The following FAM107B variants were observed in gnomAD, a reference collection of about 807,000 sequenced individuals.
The protein encoded by FAM107B is family with sequence similarity 107 member B.
In FAM107B, 21 loss-of-function variants were observed where a neutral mutation model predicts 31.5. The observed-to-expected ratio is 0.67, with a 90% CI of 0.47 to 0.96. The LOEUF (loss-of-function observed/expected upper bound fraction) is 0.96. Ranked by LOEUF, FAM107B falls within the 40% of genes least tolerant of loss-of-function variation. The pLI is 0.00. For synonymous variants in FAM107B, 157 were observed against 141.5 expected (o/e 1.11, Z -0.78); for missense variants, 452 against 377.1 (o/e 1.20, Z -1.64).
chr10:14,578,362 T>C (rs893599187), intron 2 of FAM107B, among the ~76,000 whole-genome samples: 3 of 152,206 alleles, frequency 2.0e-5, no homozygotes, highest in Admixed American at 6.5e-5. Context: ...CCAAACCTCT[T>C]TGAGTAATTT....
chr10:14,571,264 C>A lies in FAM107B; in HGVS notation c.470-40749G>T, dbSNP rs142018496. Among the ~76,000 whole-genome samples the A allele has an allele frequency of 8.5e-5, 13 of 152,128 alleles. No individual in the cohort carries two copies. In the South Asian group the frequency reaches 2.5e-3, roughly 29 times the overall value. ...ATAACATAAGGGGTTCAAATTTCAA[C>A]ATATGCATTTTTGGGGGTGACACAC... On this transcript the variant is annotated intron_variant, in intron 2 of 4. Transcript: ENST00000181796.
intron 2 of FAM107B, among the ~76,000 whole-genome samples, chr10:14,665,569 A>G (rs1854383052): frequency 6.6e-6 from 1 of 152,242 alleles, no homozygotes; most frequent in East Asian, 1.9e-4. Flanking sequence ...GCATTGATGC[A>G]GCAATGACCA....
At chr10:14,621,675 T>C (rs956256624) in intron 2 of FAM107B, among the ~76,000 whole-genome samples, 1 of 152,224 alleles carries the variant, frequency 6.6e-6, no homozygotes, top group Admixed American at 6.5e-5. Flanking sequence ...TAGAAGCATC[T>C]GTTGATTTGA....
At chr10:14,753,290 C>T (rs1002464847) in intron 1 of FAM107B, among the ~76,000 whole-genome samples, 9 of 152,180 alleles carry the variant, frequency 5.9e-5, no homozygotes, top group African/African-American at 2.2e-4. Context: ...TCACCCTTTT[C>T]CCAACAACCC....
At chr10:14,688,864 C>G (rs753441684) in intron 1 of FAM107B, among the ~76,000 whole-genome samples, 4 of 152,188 alleles carry the variant, frequency 2.6e-5, no homozygotes, top group Admixed American at 6.5e-5. Flanking sequence ...TGACCTCTTT[C>G]TGTTGGTCTG....
chr10:14,612,369 G>A (rs1157796069), intron 2 of FAM107B: 1 of 152,222 alleles, frequency 6.6e-6, no homozygotes, highest in Non-Finnish European at 1.5e-5. Flanking sequence ...AATGCATGAT[G>A]GAAGGACAGA....
intron 1 of FAM107B, among the ~76,000 whole-genome samples, chr10:14,668,439 G>A (rs374109088): frequency 1.5e-4 from 23 of 152,240 alleles, no homozygotes; most frequent in African/African-American, 5.1e-4. Flanking sequence ...ATGTACTTTC[G>A]AAAGTTCCAT....
chr10:14,765,948 G>C (rs1157151388), intron 1 of FAM107B, among the ~76,000 whole-genome samples: 1 of 152,218 alleles, frequency 6.6e-6, no homozygotes, highest in Non-Finnish European at 1.5e-5. Context: ...GGGATGCAGA[G>C]TGCAGGTAGG....
rs559826179 is a variant in FAM107B at position 14,523,789 on chromosome 10, C to T, written c.654-1770G>A. Among the ~76,000 whole-genome samples, 12 of 152,192 alleles carry T rather than the reference C, an allele frequency of 7.9e-5. No homozygotes were observed. The South Asian group carries it at 2.5e-3, about 32-fold the overall frequency. ...AGAATTTCTAAAAATTCTGGCATCTCTCCTATCTAGATGTTTTTAAAAATC... is the reference window on the plus strand; with the variant it reads ...AGAATTTCTAAAAATTCTGGCATCTTTCCTATCTAGATGTTTTTAAAAATC... On this transcript the variant is annotated intron_variant, in intron 3 of 4. Transcript: ENST00000181796.
At chr10:14,757,749 G>A (rs927160758) in intron 1 of FAM107B, among the ~76,000 whole-genome samples, 1 of 152,214 alleles carries the variant, frequency 6.6e-6, no homozygotes, top group African/African-American at 2.4e-5. Flanking sequence ...AGCAGGCAGG[G>A]CCTTTTTCTC....
chr10:14,662,411 C>G (rs915145322), intron 2 of FAM107B, among the ~76,000 whole-genome samples: 10 of 148,046 alleles, frequency 6.8e-5, no homozygotes, highest in African/African-American at 2.5e-4. Flanking sequence ...GGGTCTCGCT[C>G]TCTCACCCAG....
At chr10:14,553,208 C>A in intron 2 of FAM107B, 1 of 351,356 alleles carries the variant, frequency 2.8e-6, no homozygotes, top group Non-Finnish European at 4.6e-6. Flanking sequence ...GGAGAGAATA[C>A]AAATTAAAGA....
chr10:14,665,925 A>C lies in FAM107B; in HGVS notation c.469+1709T>G, dbSNP rs573113829. 7.2e-5 allele frequency among the ~76,000 whole-genome samples: 11 copies of C among 152,328 alleles called. No individual in the cohort carries two copies. The South Asian group carries it at 2.3e-3, about 32-fold the overall frequency. On this transcript the variant is annotated intron_variant, in intron 2 of 4. Transcript: ENST00000181796. ...TGTCATATTTTTTTTCATATCGCAG[A>C]AATCTAAAATAGCATAGTGTTGGCC...
intron 2 of FAM107B, among the ~76,000 whole-genome samples, chr10:14,626,388 CA>C (rs1345569356): frequency 2.6e-5 from 4 of 151,962 alleles, no homozygotes; most frequent in Non-Finnish European, 5.9e-5. Context: ...AATTTAGGTG[CA>C]AAAGAGCATA....
At chr10:14,543,376 C>A (rs575759056) in intron 2 of FAM107B, among the ~76,000 whole-genome samples, 1 of 152,266 alleles carries the variant, frequency 6.6e-6, no homozygotes, top group South Asian at 2.1e-4. Flanking sequence ...GCTCTTCATC[C>A]AAGGCCACTC....
chr10:14,727,659 T>G (rs1234012716), intron 1 of FAM107B, among the ~76,000 whole-genome samples: 7 of 152,238 alleles, frequency 4.6e-5, no homozygotes, highest in African/African-American at 1.7e-4. Flanking sequence ...CCTATGGTAT[T>G]AAGCTCCAGT....
chr10:14,665,894 G>A (rs1182343932), intron 2 of FAM107B, among the ~76,000 whole-genome samples: 1 of 152,182 alleles, frequency 6.6e-6, no homozygotes, highest in East Asian at 1.9e-4. Flanking sequence ...TTGAGGGCAA[G>A]TGCCATGTCA....
At chr10:14,652,667 A>G (rs866105333) in intron 2 of FAM107B, 1 of 152,212 alleles carries the variant, frequency 6.6e-6, no homozygotes. Flanking sequence ...TACTTAGAAA[A>G]TGTTAGCATT....
At chr10:14,665,028 G>A (rs1418867433) in intron 2 of FAM107B, among the ~76,000 whole-genome samples, 2 of 152,138 alleles carry the variant, frequency 1.3e-5, no homozygotes, top group Non-Finnish European at 2.9e-5. Flanking sequence ...GCGGACCCAA[G>A]CATTTTTAAG....
Sources: allele counts gnomAD v4.1 joint callset (sites outside exome capture counted in the v4.1 genomes callset), GRCh38; gene constraint gnomAD v4.1.1; transcripts MANE v1.5; gene names NCBI Gene and HGNC (gene_info 2026-07-23, HGNC 2026-07-21).